The following ARHGAP6 variants were observed in gnomAD, a reference collection of about 807,000 sequenced individuals.
ARHGAP6 encodes the protein rho GTPase-activating protein 6.
ARHGAP6 carries 16 observed loss-of-function variants against 55.7 expected under a neutral mutation model. That is an observed-to-expected ratio of 0.29 (90% CI 0.19 to 0.44). ARHGAP6 has a LOEUF of 0.44. Among genes scored for constraint, ARHGAP6 ranks in the 20% least tolerant of loss-of-function variants. The pLI, the probability that ARHGAP6 is intolerant of heterozygous loss-of-function variation, is 1.00. For missense variants in ARHGAP6, 698 were observed against 808.9 expected (o/e 0.86, Z 1.66); for synonymous variants, 382 against 360.9 (o/e 1.06, Z -0.66).
intron 1 of ARHGAP6, among the ~76,000 whole-genome samples, chrX:11,639,589 C>CA (rs986230515): frequency 3.6e-5 from 4 of 110,958 alleles, no homozygotes; most frequent in African/African-American, 1.3e-4. Flanking sequence ...ATATGTGCCA[C>CA]AAAAAAATAT....
At chrX:11,202,723 A>T (rs2046647340) in intron 2 of ARHGAP6, among the ~76,000 whole-genome samples, 1 of 100,646 alleles carries the variant, frequency 9.9e-6, no homozygotes, top group African/African-American at 3.7e-5. Context: ...CAGGAGAATC[A>T]CAGGAAGCAG....
At chrX:11,389,044 C>T (rs2049369234) in intron 1 of ARHGAP6, among the ~76,000 whole-genome samples, 1 of 111,555 alleles carries the variant, frequency 9.0e-6, no homozygotes, top group Non-Finnish European at 1.9e-5. Context: ...CAGTTTTGCA[C>T]CCTTAGGGGA....
chrX:11,182,588 ACT>A (rs1231966062), intron 5 of ARHGAP6, among the ~76,000 whole-genome samples: 1 of 103,978 alleles, frequency 9.6e-6, no homozygotes, highest in African/African-American at 3.5e-5. Flanking sequence ...AGAAATAATC[ACT>A]CTTCATTTTC....
chrX:11,370,001 G>A (rs757473781), intron 1 of ARHGAP6, among the ~76,000 whole-genome samples: 45 of 112,693 alleles, frequency 4.0e-4, no homozygotes, highest in African/African-American at 1.4e-3. Context: ...ATTCATAGAT[G>A]CTTAATTATC....
At chrX:11,581,280 G>A (rs2051663152) in intron 1 of ARHGAP6, among the ~76,000 whole-genome samples, 1 of 111,768 alleles carries the variant, frequency 8.9e-6, no homozygotes, top group Non-Finnish European at 1.9e-5. Context: ...ATAATAAGAA[G>A]TATTGGTGAA....
intron 1 of ARHGAP6, among the ~76,000 whole-genome samples, chrX:11,528,410 C>T (rs1452571875): frequency 2.7e-5 from 3 of 111,881 alleles, no homozygotes; most frequent in Non-Finnish European, 5.6e-5. Flanking sequence ...ATATATTCCC[C>T]TTTTATTCTG....
intron 1 of ARHGAP6, among the ~76,000 whole-genome samples, chrX:11,623,897 C>G (rs745666992): frequency 9.9e-5 from 11 of 111,299 alleles, no homozygotes; most frequent in African/African-American, 1.6e-4. Context: ...TGTATGCAAC[C>G]ACAATAGAAA....
At chrX:11,185,894 A>G (rs781421162) in intron 5 of ARHGAP6, among the ~76,000 whole-genome samples, 1 of 111,510 alleles carries the variant, frequency 9.0e-6, no homozygotes, top group Admixed American at 9.5e-5. Flanking sequence ...ACTTTTATGT[A>G]TAAACAATAA....
intron 1 of ARHGAP6, chrX:11,298,011 A>G (rs2048113966): frequency 1.1e-6 from 1 of 923,307 alleles, no homozygotes; most frequent in South Asian, 2.0e-5. Context: ...AGCATATAAG[A>G]AAAGATGAAG....
In ARHGAP6 at chrX:11,370,594, A is replaced by G. The variant is rs764973902; in HGVS notation, c.589-115887T>C. ...GAAAATCTCTACTTAGTCATTGTAA[A>G]ACTGGATGTTGAGTTTGAAGTGACA... On this transcript the variant is annotated intron_variant, in intron 1 of 12. Coordinates refer to ENST00000337414, the MANE Select transcript of ARHGAP6 (RefSeq NM_013427.3). Among the ~76,000 whole-genome samples the G allele has an allele frequency of 1.2e-3, 129 of 111,865 alleles. 1 individual carries two copies. Among genetic ancestry groups the G allele is most frequent in the African/African-American group, 4.1e-3 (125 of 30,831 alleles).
intron 1 of ARHGAP6, among the ~76,000 whole-genome samples, chrX:11,655,050 C>T (rs1323354558): frequency 2.7e-5 from 3 of 111,798 alleles, no homozygotes; most frequent in Non-Finnish European, 5.6e-5. Context: ...TGTCGCTCCA[C>T]ATCCCTCCCT....
rs770277453 is a variant in ARHGAP6, at chrX:11,388,076, C to G, written c.589-133369G>C. ...TCCTTTGGGTATATACCCAGTAATGCAATGGCTGGGTCAAATGGTATTTCA... is the reference window on the plus strand; with the variant it reads ...TCCTTTGGGTATATACCCAGTAATGGAATGGCTGGGTCAAATGGTATTTCA... On this transcript the variant is annotated intron_variant, in intron 1 of 12. Coordinates refer to ENST00000337414, the MANE Select transcript of ARHGAP6 (RefSeq NM_013427.3). Among the ~76,000 whole-genome samples, 168 of 111,921 alleles carry G rather than the reference C, an allele frequency of 1.5e-3. 1 individual carries two copies. Among genetic ancestry groups the G allele is most frequent in the Middle Eastern group, 4.6e-3 (1 of 219 alleles).
chrX:11,604,825 T>C (rs1446785534), intron 1 of ARHGAP6, among the ~76,000 whole-genome samples: 1 of 112,319 alleles, frequency 8.9e-6, no homozygotes, highest in Non-Finnish European at 1.9e-5. Context: ...GGAGCTGTGG[T>C]GGCCCTTCAG....
intron 12 of ARHGAP6, among the ~76,000 whole-genome samples, chrX:11,141,777 A>G (rs1328599980): frequency 8.9e-6 from 1 of 112,252 alleles, no homozygotes; most frequent in Non-Finnish European, 1.9e-5. Flanking sequence ...GGGATTTATA[A>G]CCTTTGACTT....
intron 2 of ARHGAP6, among the ~76,000 whole-genome samples, chrX:11,244,607 A>G (rs921521820): frequency 2.0e-4 from 23 of 112,298 alleles, no homozygotes; most frequent in Non-Finnish European, 4.1e-4. Context: ...TATTTTGCCC[A>G]TGGGGAAACC....
intron 9 of ARHGAP6, among the ~76,000 whole-genome samples, chrX:11,165,359 T>C (rs2046004111): frequency 9.0e-6 from 1 of 110,952 alleles, no homozygotes; most frequent in Admixed American, 9.6e-5. Flanking sequence ...ATAAATGCTA[T>C]GGAATAAAAA....
chrX:11,540,558 T>TC (rs1424541644), intron 1 of ARHGAP6, among the ~76,000 whole-genome samples: 1 of 111,039 alleles, frequency 9.0e-6, no homozygotes, highest in African/African-American at 3.3e-5. Context: ...CATTTTGATG[T>TC]CCCCCCAGCT....
intron 1 of ARHGAP6, among the ~76,000 whole-genome samples, chrX:11,640,877 T>C (rs2052467372): frequency 1.8e-5 from 2 of 111,736 alleles, no homozygotes; most frequent in South Asian, 3.7e-4. Flanking sequence ...GGCATCCTTA[T>C]ATAGTTTTAT....
At chrX:11,579,489 T>C (rs745402994) in intron 1 of ARHGAP6, among the ~76,000 whole-genome samples, 87 of 112,390 alleles carry the variant, frequency 7.7e-4, no homozygotes, top group Non-Finnish European at 1.4e-3. Flanking sequence ...ACTTTATCAA[T>C]GTGTGTACAA....
Sources: gnomAD v4.1 joint callset for allele counts (sites outside exome capture counted in the v4.1 genomes callset) on GRCh38, gnomAD v4.1.1 for gene constraint, MANE v1.5 for transcripts, NCBI Gene and HGNC (gene_info 2026-07-23, HGNC 2026-07-21) for gene names.